The following YPEL3 variants were observed in gnomAD, a reference collection of about 807,000 sequenced individuals.
YPEL3 encodes the protein yippee like 3.
In YPEL3, 5 loss-of-function variants were observed where a neutral mutation model predicts 17.5. That is an observed-to-expected ratio of 0.29 (90% CI 0.15 to 0.60). The LOEUF is 0.60. Ranked by LOEUF, YPEL3 falls within the 20% of genes least tolerant of loss-of-function variation. The pLI, the probability that YPEL3 is intolerant of heterozygous loss-of-function variation, is 0.87. For synonymous variants in YPEL3, 87 were observed against 87.2 expected (o/e 1.00, Z 0.01); for missense variants, 155 against 211.4 (o/e 0.73, Z 1.65).
chr16:30,092,858 G>C (rs577755324), intron 3 of YPEL3, 59 bp from the exon 4 acceptor site: 9 of 1,511,112 alleles, frequency 6.0e-6, no homozygotes, highest in Non-Finnish European at 8.3e-6. Flanking sequence ...AAGGCACTGG[G>C]GTTGGGAAGT....
Position 30,094,849 on chromosome 16 carries a change from G to A in YPEL3, c.324C>T (p.Gly108=), listed in dbSNP as rs1375143549. 1.8e-5 allele frequency: 29 copies of A among 1,614,074 alleles called. No individual in the cohort carries two copies. Among genetic ancestry groups the A allele is most frequent in the African/African-American group, 2.7e-5 (2 of 75,042 alleles). ...AGTGGATGTCGGCGACAGCATGGAG[G>A]CCGGTCAGCAGCACCCGCTCCTCGG... The part of the protein sequence containing the change: ...GPAEERVLLT[G]LHAVADIHCE... Residue 108 remains glycine, a synonymous_variant, in exon 3 of 4, where the codon GGC becomes GGT. Coordinates refer to ENST00000398841, the MANE Select transcript of YPEL3 (RefSeq NM_031477.5).
At chr16:30,093,922 C>T (rs1485293772) in intron 3 of YPEL3, 4 of 152,224 alleles carry the variant, frequency 2.6e-5, no homozygotes, top group African/African-American at 9.7e-5. Flanking sequence ...TCCAGAGTGG[C>T]CAAGCCACCT....
rs1245205457 is a variant in YPEL3, at chr16:30,093,342, A to G, written c.385-543T>C. Among the ~76,000 whole-genome samples the G allele has an allele frequency of 2.6e-5, 4 of 152,262 alleles. No individual in the cohort carries two copies. In the East Asian group the frequency reaches 7.7e-4, roughly 29 times the overall value. Reference sequence around the variant, plus strand: ...CAACGGCGCGATATCGGCTCACTGCAACCTCCGCTTCCCGGGTTCAAGTGA... The same window carrying G: ...CAACGGCGCGATATCGGCTCACTGCGACCTCCGCTTCCCGGGTTCAAGTGA... On this transcript the variant is annotated intron_variant, in intron 3 of 3. Coordinates refer to ENST00000398841, the MANE Select transcript of YPEL3 (RefSeq NM_031477.5).
intron 3 of YPEL3, 55 bp from the exon 4 acceptor site, chr16:30,092,854 C>T: frequency 6.5e-7 from 1 of 1,533,218 alleles, no homozygotes; most frequent in Non-Finnish European, 9.0e-7. Context: ...CCACAAGGCA[C>T]TGGGGTTGGG....
chr16:30,092,753 A>T lies in YPEL3; in HGVS notation c.431T>A (p.Ile144Asn). 6.2e-7 allele frequency: 1 copy of T among 1,614,182 alleles called. No homozygotes were observed. Among genetic ancestry groups the T allele is most frequent in the Non-Finnish European group, 8.5e-7 (1 of 1,180,014 alleles). ...TTTGATCATGTGGTTGAGTTCAATG[A>T]TGTACTTCCCCTCTTTGTACTTCTG... ...SSQKYKEGKY[I>N]IELNHMIKDN... The change falls in exon 4 of 4, where the codon ATC becomes AAC. Residue 144 changes from isoleucine to asparagine, a missense_variant. By Grantham distance (149) the Ile-to-Asn change is moderately radical. This residue lies in a region of YPEL3 where 74 missense variants were observed against 134.9 expected (regional missense o/e 0.55). Coordinates refer to ENST00000398841, the MANE Select transcript of YPEL3 (RefSeq NM_031477.5).
chr16:30,095,678 C>T lies in YPEL3; in HGVS notation c.-196G>A. On this transcript the variant is annotated 5_prime_UTR_variant, in exon 1 of 4. Coordinates refer to ENST00000398841, the MANE Select transcript of YPEL3 (RefSeq NM_031477.5). The surrounding 1 kb of genome is among the most constrained non-coding windows in gnomAD (Gnocchi z 5.4). ...GTCACCCGCCTGCTTCCGGCCTCAC[C>T]CTTGCTGACCTGGCAGCTGAAGCTG... 1 of 529,288 alleles carries T rather than the reference C, an allele frequency of 1.9e-6. No homozygotes were observed. The highest frequency in any genetic ancestry group is 3.3e-6 in the Non-Finnish European group (1 of 301,992). 32.8% of individuals were successfully genotyped at this position (529,288 alleles called of 1,614,324 possible).
In YPEL3 at chr16:30,092,379, GT is replaced by G; in HGVS notation, c.*330del. On this transcript the variant is annotated 3_prime_UTR_variant, in exon 4 of 4. Coordinates refer to ENST00000398841, the MANE Select transcript of YPEL3 (RefSeq NM_031477.5). ...AACGAGGGGGACAGACACGCGTGGG[GT>G]AAGAAGGGCCTGGTGGGAGGAGTTC... 1 of 316,430 alleles carries G rather than the reference GT, an allele frequency of 3.2e-6. No homozygotes were observed. The highest frequency in any genetic ancestry group is 5.2e-5 in the South Asian group (1 of 19,196). 19.6% of individuals were successfully genotyped at this position (316,430 alleles called of 1,614,324 possible). A position where few individuals can be genotyped will look rare whatever the true frequency, so the allele number is the denominator to read the frequency against.
intron 3 of YPEL3, chr16:30,094,254 A>G: frequency 6.1e-6 from 1 of 163,962 alleles, no homozygotes; most frequent in South Asian, 1.3e-4. Flanking sequence ...CCCAAGCTCC[A>G]TGTTGTTGCA....
chr16:30,093,460 C>T (rs2072759572), intron 3 of YPEL3, among the ~76,000 whole-genome samples: 2 of 151,984 alleles, frequency 1.3e-5, no homozygotes, highest in South Asian at 4.1e-4. Flanking sequence ...GGGGTTTCAC[C>T]ATGTTAGTCA....
rs373954330 is a variant in YPEL3 at position 30,092,523 on chromosome 16, G to A, written c.*187C>T. The A allele has an allele frequency of 2.1e-4, 123 of 579,706 alleles. No individual in the cohort carries two copies. The East Asian group carries it at 3.2e-3, about 15-fold the overall frequency. The allele number at this position is 579,706 out of a possible 1,614,324, so 35.9% of individuals were successfully genotyped here. On this transcript the variant is annotated 3_prime_UTR_variant, in exon 4 of 4. Coordinates refer to ENST00000398841, the MANE Select transcript of YPEL3 (RefSeq NM_031477.5). ...AGCCAGCCAGATCGCAGGAGGTGCG[G>A]GGGCGTCGTCCCCCTTCTGTTCTCC... is the stretch of plus-strand genomic sequence containing the variant.
Position 30,095,564 on chromosome 16 carries a change from G to A in YPEL3, c.-82C>T, listed in dbSNP as rs898498364. On this transcript the variant is annotated 5_prime_UTR_variant, in exon 1 of 4. Coordinates refer to ENST00000398841, the MANE Select transcript of YPEL3 (RefSeq NM_031477.5). The surrounding 1 kb of genome is among the most constrained non-coding windows in gnomAD (Gnocchi z 5.4). ...TTTCCCCAGAGCCAGCAGCCTCTCC[G>A]GGGACCAGAGGCGTCTCGGTTTTGA... 2 of 1,211,294 alleles carry A rather than the reference G, an allele frequency of 1.7e-6. No individual in the cohort carries two copies. The highest frequency in any genetic ancestry group is 2.9e-5 in the Admixed American group (1 of 34,524). 75.0% of individuals were successfully genotyped at this position (1,211,294 alleles called of 1,614,324 possible). A position where few individuals can be genotyped will look rare whatever the true frequency, so the allele number is the denominator to read the frequency against.
chr16:30,094,897 C>G lies in YPEL3; in HGVS notation c.276G>C (p.Val92=), dbSNP rs757541238. 3 of 1,611,638 alleles carry G rather than the reference C, an allele frequency of 1.9e-6. No homozygotes were observed. The highest frequency in any genetic ancestry group is 1.3e-5 in the African/African-American group (1 of 74,934). Residue 92 remains valine, a splice_region_variant and synonymous_variant, in exon 3 of 4, where the codon GTG becomes GTC. Transcript: ENST00000398841. ...CGGCTGGCCCGCAGCCCACGTTCAC[C>G]CTGTGGGGACATGGGGTAGTCCCAG... The part of the protein sequence containing the change: ...SQGRAYLFNS[V]VNVGCGPAEE...
In YPEL3 at chr16:30,092,811, G is replaced by A. The variant is rs768446043; in HGVS notation, c.385-12C>T. 1 of 1,612,918 alleles carries A rather than the reference G, an allele frequency of 6.2e-7. No individual in the cohort carries two copies. The highest frequency in any genetic ancestry group is 8.5e-7 in the Non-Finnish European group (1 of 1,178,908). On this transcript the variant is annotated splice_polypyrimidine_tract_variant and intron_variant, in intron 3 of 3. Coordinates refer to ENST00000398841, the MANE Select transcript of YPEL3 (RefSeq NM_031477.5). ...TCAAAGGCCTGTTCCTGAAAGGAGG[G>A]GCGGGACCGTCATCCCCGGAGCAAC...
intron 3 of YPEL3, chr16:30,094,318 AG>A (rs1007429323): frequency 1.1e-5 from 2 of 174,964 alleles, no homozygotes; most frequent in Non-Finnish European, 2.5e-5. Flanking sequence ...CTGGTGACCA[AG>A]GGTTTGGAGT....
chr16:30,094,342 C>A (rs971695422), intron 3 of YPEL3: 5 of 173,674 alleles, frequency 2.9e-5, no homozygotes, highest in East Asian at 1.7e-4. Flanking sequence ...AAAAAAAAAA[C>A]CAACCAACCA....
Position 30,095,609 on chromosome 16 carries a change from G to T in YPEL3, c.-127C>A, listed in dbSNP as rs1256762623. On this transcript the variant is annotated 5_prime_UTR_variant, in exon 1 of 4. Transcript: ENST00000398841. The surrounding 1 kb of genome is among the most constrained non-coding windows in gnomAD (Gnocchi z 5.4). ...TTTTGACTCAGTGAGGAGGCCTCAG[G>T]TTGCATCCATGGGGAAACTGAGGCT... 3 of 836,036 alleles carry T rather than the reference G, an allele frequency of 3.6e-6. No homozygotes were observed. Among genetic ancestry groups the T allele is most frequent in the Non-Finnish European group, 5.3e-6 (3 of 562,738 alleles). 51.8% of individuals were successfully genotyped at this position (836,036 alleles called of 1,614,324 possible). A position where few individuals can be genotyped will look rare whatever the true frequency, so the allele number is the denominator to read the frequency against.
chr16:30,095,589 A>T lies in YPEL3; in HGVS notation c.-107T>A, dbSNP rs1234871141. 17 of 1,038,162 alleles carry T rather than the reference A, an allele frequency of 1.6e-5. 1 individual carries two copies. The South Asian group carries it at 3.0e-4, about 19-fold the overall frequency. The allele number at this position is 1,038,162 out of a possible 1,614,324, so 64.3% of individuals were successfully genotyped here. A position where few individuals can be genotyped will look rare whatever the true frequency, so the allele number is the denominator to read the frequency against. ...GGGGACCAGAGGCGTCTCGGTTTTGACTCAGTGAGGAGGCCTCAGGTTGCA... is the reference window on the plus strand; with the variant it reads ...GGGGACCAGAGGCGTCTCGGTTTTGTCTCAGTGAGGAGGCCTCAGGTTGCA... On this transcript the variant is annotated 5_prime_UTR_variant, in exon 1 of 4. Transcript: ENST00000398841. The surrounding 1 kb of genome is among the most constrained non-coding windows in gnomAD (Gnocchi z 5.4).
chr16:30,095,583 G>T lies in YPEL3; in HGVS notation c.-101C>A, dbSNP rs2072784636. On this transcript the variant is annotated 5_prime_UTR_variant, in exon 1 of 4. Transcript: ENST00000398841. The surrounding 1 kb of genome is among the most constrained non-coding windows in gnomAD (Gnocchi z 5.4). ...CTCTCCGGGGACCAGAGGCGTCTCG[G>T]TTTTGACTCAGTGAGGAGGCCTCAG... 1 of 1,099,068 alleles carries T rather than the reference G, an allele frequency of 9.1e-7. No homozygotes were observed. Among genetic ancestry groups the T allele is most frequent in the Non-Finnish European group, 1.3e-6 (1 of 795,986 alleles). The allele number at this position is 1,099,068 out of a possible 1,614,324, so 68.1% of individuals were successfully genotyped here. A position where few individuals can be genotyped will look rare whatever the true frequency, so the allele number is the denominator to read the frequency against.
In YPEL3 at chr16:30,095,591, T is replaced by C; in HGVS notation, c.-109A>G. On this transcript the variant is annotated 5_prime_UTR_variant, in exon 1 of 4. Transcript: ENST00000398841. This position sits in a 1 kb window ranked among gnomAD's most constrained non-coding sequence, Gnocchi z 5.4. The stretch of plus-strand genomic sequence containing the variant: ...GGACCAGAGGCGTCTCGGTTTTGAC[T>C]CAGTGAGGAGGCCTCAGGTTGCATC... 9.9e-7 allele frequency: 1 copy of C among 1,010,072 alleles called. No individual in the cohort carries two copies. Among genetic ancestry groups the C allele is most frequent in the Non-Finnish European group, 1.4e-6 (1 of 716,226 alleles). 62.6% of individuals were successfully genotyped at this position (1,010,072 alleles called of 1,614,324 possible).
Sources: allele counts gnomAD v4.1 joint callset (sites outside exome capture counted in the v4.1 genomes callset), GRCh38; gene constraint gnomAD v4.1.1; regional missense constraint gnomAD v4.1.1; non-coding constraint Gnocchi (gnomAD v3.1); transcripts MANE v1.5; gene names NCBI Gene and HGNC (gene_info 2026-07-23, HGNC 2026-07-21).